Variants in ZBTB38 observed in about 807,000 individuals in gnomAD.
ZBTB38 encodes zinc finger and BTB domain containing 38, also known as zinc finger and BTB domain-containing protein 38.
Under a neutral mutation model 76.8 loss-of-function variants are expected in ZBTB38, and 20 were observed. The ratio of observed to expected loss-of-function variants is 0.26; its 90% CI spans 0.18 to 0.38. The LOEUF (loss-of-function observed/expected upper bound fraction) is 0.38. ZBTB38 is among the 10% of genes least tolerant of loss of function. The pLI is 1.00. For synonymous variants in ZBTB38, 504 were observed against 544.2 expected, an observed-to-expected ratio of 0.93 and a Z score of 1.03; for missense variants, 1,082 against 1,482.3, an observed-to-expected ratio of 0.73 and a Z score of 4.43.
chr3:141,398,945 T>C (rs922896901), intron 4 of ZBTB38, among the ~76,000 whole-genome samples: 1 of 152,102 alleles, frequency 6.6e-6, no homozygotes, highest in Non-Finnish European at 1.5e-5. Flanking sequence ...ATTTAATTTA[T>C]AGGTTTCTCT....
intron 5 of ZBTB38, among the ~76,000 whole-genome samples, chr3:141,425,112 T>C (rs1013641878): frequency 6.6e-6 from 1 of 152,216 alleles, no homozygotes; most frequent in Non-Finnish European, 1.5e-5. Context: ...GTCCCCCAGA[T>C]ACCAAAGTTC....
chr3:141,429,308 G>A lies in ZBTB38; in HGVS notation c.1-13081G>A, dbSNP rs189398070. ...TGCGGGGATTGTGAGTGCGGGGGAC[G>A]GCGGCAGGTTGCCTTTTGGGGGATC... On this transcript the variant is annotated intron_variant, in intron 5 of 5. Coordinates refer to ENST00000321464, the MANE Select transcript of ZBTB38 (RefSeq NM_001376113.1). Among the ~76,000 whole-genome samples the A allele has an allele frequency of 3.3e-3, 501 of 151,166 alleles. 1 individual carries two copies. The highest frequency in any genetic ancestry group is 0.011 in the African/African-American group (468 of 41,098).
intron 1 of ZBTB38, among the ~76,000 whole-genome samples, chr3:141,362,605 CTTTG>C (rs575851401): frequency 3.9e-5 from 6 of 151,982 alleles, no homozygotes; most frequent in Non-Finnish European, 7.4e-5. Context: ...AGAGTTCTGG[CTTTG>C]TTTGTCCAAT....
In ZBTB38 at chr3:141,368,584, T is replaced by C. The variant is rs950457463; in HGVS notation, c.-530T>C. 6.6e-6 allele frequency: 1 copy of C among 152,238 alleles called. No homozygotes were observed. The highest frequency in any genetic ancestry group is 1.5e-5 in the Non-Finnish European group (1 of 68,044). The allele number at this position is 152,238 out of a possible 1,614,324, so 9.4% of individuals were successfully genotyped here. On this transcript the variant is annotated 5_prime_UTR_variant, in exon 1 of 6. Coordinates refer to ENST00000321464, the MANE Select transcript of ZBTB38 (RefSeq NM_001376113.1). ...CTTTCTCTTCCTCTCCATCTCCCTA[T>C]AGCACACCTTTTATTTCTTTTCTTC... is the stretch of plus-strand genomic sequence containing the variant.
intron 5 of ZBTB38, among the ~76,000 whole-genome samples, chr3:141,431,341 A>AAAAAAATATATAT: frequency 9.7e-6 from 1 of 103,294 alleles, no homozygotes; most frequent in African/African-American, 6.0e-5. Flanking sequence ...AAAAAAAAAA[A>AAAAAAATATATAT]ATATATATAT....
At chr3:141,423,549 C>G (rs6776991) in intron 5 of ZBTB38, among the ~76,000 whole-genome samples, 24,102 of 151,974 alleles carry the variant, frequency 0.16, 2,759 homozygotes, top group African/African-American at 0.32. Flanking sequence ...GAGTGGGTAA[C>G]CAGTGCTCTA....
rs117432688 is a variant in ZBTB38, at chr3:141,375,551, G to A, written c.-235+5605G>A. ...GTGGTGTGCCCTGATCCCTGAGGTGGTAGCACTGAAGAAGCTGGACCCAGG... is the reference window on the plus strand; with the variant it reads ...GTGGTGTGCCCTGATCCCTGAGGTGATAGCACTGAAGAAGCTGGACCCAGG... On this transcript the variant is annotated intron_variant, in intron 2 of 5. Coordinates refer to ENST00000321464, the MANE Select transcript of ZBTB38 (RefSeq NM_001376113.1). 3.2e-4 allele frequency among the ~76,000 whole-genome samples: 48 copies of A among 152,372 alleles called. No homozygotes were observed. In the East Asian group the frequency reaches 9.1e-3, roughly 29 times the overall value.
At position 141,368,545 on chromosome 3, in the gene ZBTB38, A is replaced by T. The variant is rs1944079641; in HGVS notation, c.-569A>T. 6.6e-6 allele frequency: 1 copy of T among 152,136 alleles called. No homozygotes were observed. The highest frequency in any genetic ancestry group is 2.1e-4 in the South Asian group (1 of 4,828). 9.4% of individuals were successfully genotyped at this position (152,136 alleles called of 1,614,324 possible). A position where few individuals can be genotyped will look rare whatever the true frequency, so the allele number is the denominator to read the frequency against. Reference sequence around the variant, plus strand: ...TCGCAGCTGCAGCAAATCTCAAAATAAAGAGGCAACGGCCTTTCTCTTCCT... The same window carrying T: ...TCGCAGCTGCAGCAAATCTCAAAATTAAGAGGCAACGGCCTTTCTCTTCCT... On this transcript the variant is annotated 5_prime_UTR_variant, in exon 1 of 6. Transcript: ENST00000321464.
At chr3:141,324,691 AAGAC>A (rs755102891) in intron 1 of ZBTB38, among the ~76,000 whole-genome samples, 38 of 152,334 alleles carry the variant, frequency 2.5e-4, no homozygotes, top group Non-Finnish European at 4.4e-4. Flanking sequence ...AAAGAAAAGA[AAGAC>A]AGGTGGAAAG....
At chr3:141,433,599 T>C (rs1369094011) in intron 5 of ZBTB38, among the ~76,000 whole-genome samples, 2 of 152,174 alleles carry the variant, frequency 1.3e-5, no homozygotes, top group Non-Finnish European at 2.9e-5. Flanking sequence ...AACTGAATAA[T>C]AAAATAACAT....
intron 1 of ZBTB38, among the ~76,000 whole-genome samples, chr3:141,355,682 TAGC>T (rs1464799537): frequency 6.6e-6 from 1 of 151,982 alleles, no homozygotes; most frequent in African/African-American, 2.4e-5. Context: ...TGTAAATCTC[TAGC>T]CCAAACACCC....
At chr3:141,371,815 A>G (rs1282141463) in intron 2 of ZBTB38, among the ~76,000 whole-genome samples, 1 of 152,238 alleles carries the variant, frequency 6.6e-6, no homozygotes, top group Non-Finnish European at 1.5e-5. Flanking sequence ...AATAAGTTTA[A>G]CATTTTATGT....
At chr3:141,388,386 T>C (rs1474646584) in intron 4 of ZBTB38, 2 of 152,152 alleles carry the variant, frequency 1.3e-5, no homozygotes, top group African/African-American at 2.4e-5. Flanking sequence ...TTATATTATG[T>C]ATATAATTTG....
At chr3:141,341,687 A>C (rs927762393) in intron 1 of ZBTB38, among the ~76,000 whole-genome samples, 2 of 152,260 alleles carry the variant, frequency 1.3e-5, no homozygotes, top group Non-Finnish European at 2.9e-5. Flanking sequence ...ACCAAGGGAA[A>C]GTCTTCCAAG....
At chr3:141,428,715 A>C (rs1211662810) in intron 5 of ZBTB38, among the ~76,000 whole-genome samples, 1 of 152,148 alleles carries the variant, frequency 6.6e-6, no homozygotes, top group Non-Finnish European at 1.5e-5. Context: ...ACCTCAGATG[A>C]TCCTCCTGCC....
At chr3:141,364,380 A>T (rs183529242), upstream of ZBTB38, among the ~76,000 whole-genome samples, 31 of 149,996 alleles carry the variant, frequency 2.1e-4, no homozygotes, top group African/African-American at 6.4e-4. Context: ...TAAAACTGAA[A>T]ACTTTAAAAA....
At position 141,444,645 on chromosome 3, in the gene ZBTB38, C is replaced by G; in HGVS notation, c.2257C>G (p.Leu753Val). Residue 753 changes from leucine to valine, a missense_variant, in exon 6 of 6, where the codon CTG becomes GTG. This residue lies in a region of ZBTB38 where 471 missense variants were observed against 581.0 expected (regional missense o/e 0.81). Transcript: ENST00000321464. The surrounding 1 kb of genome is among the most constrained non-coding windows in gnomAD (Gnocchi z 5.1). ...TTCAGACCCAGCTGTCAGTCAGTCC[C>G]TGAAAGATGACAGTAAGCCCGAGCC... ...AFSDPAVSQS[L>V]KDDSKPEPDK... is the part of the protein sequence containing the mutation. 6.2e-7 allele frequency: 1 copy of G among 1,614,118 alleles called. No individual in the cohort carries two copies. Among genetic ancestry groups the G allele is most frequent in the Non-Finnish European group, 8.5e-7 (1 of 1,180,032 alleles).
chr3:141,382,897 T>C (rs1447527824), intron 3 of ZBTB38, among the ~76,000 whole-genome samples: 1 of 152,204 alleles, frequency 6.6e-6, no homozygotes, highest in Non-Finnish European at 1.5e-5. Flanking sequence ...AGTGTGGACG[T>C]AGGAGGAAGT....
chr3:141,330,481 C>G (rs547244646), intron 1 of ZBTB38, among the ~76,000 whole-genome samples: 1 of 152,204 alleles, frequency 6.6e-6, no homozygotes, highest in African/African-American at 2.4e-5. Flanking sequence ...CATTCTCAGC[C>G]ACCCTGTGGA....
Sources: gnomAD v4.1 joint callset for allele counts (sites outside exome capture counted in the v4.1 genomes callset) on GRCh38, gnomAD v4.1.1 for gene constraint, gnomAD v4.1.1 regional missense constraint, Gnocchi (gnomAD v3.1) non-coding constraint, MANE v1.5 for transcripts, NCBI Gene and HGNC (gene_info 2026-07-23, HGNC 2026-07-21) for gene names.